MAP1LC3B2: variants seen among roughly 807,000 people sequenced by gnomAD.
MAP1LC3B2 encodes the protein microtubule-associated protein 1 light chain 3 beta 2.
For synonymous variants in MAP1LC3B2, 62 were observed against 57.8 expected (o/e 1.07, Z -0.33); for missense variants, 155 against 154.6 (o/e 1.00, Z -0.01).
intron 1 of MAP1LC3B2, among the ~76,000 whole-genome samples, chr12:116,566,483 G>T (rs1488172755): frequency 1.3e-5 from 2 of 152,082 alleles, no homozygotes; most frequent in Admixed American, 1.3e-4. Flanking sequence ...ATATGTGTGT[G>T]TGTGTGTAAC....
chr12:116,566,758 C>A (rs1417167716), intron 1 of MAP1LC3B2, among the ~76,000 whole-genome samples: 1 of 149,516 alleles, frequency 6.7e-6, no homozygotes, highest in Non-Finnish European at 1.5e-5. Flanking sequence ...ATGGTGAAAC[C>A]CTGTCTCTAC....
intron 1 of MAP1LC3B2, among the ~76,000 whole-genome samples, chr12:116,574,756 A>G (rs1031731830): frequency 2.6e-5 from 4 of 151,670 alleles, no homozygotes; most frequent in Admixed American, 6.6e-5. Context: ...GGGTTTTGCT[A>G]TGTTGGCCAG....
Position 116,576,137 on chromosome 12 carries a change from G to A in MAP1LC3B2, c.195G>A (p.Lys65=). Reference sequence around the variant, plus strand: ...ATGTCAACATGAGTGAGCTCATCAAGATAATTAGAAGGCGCTTACAGCTCA... The same window carrying A: ...ATGTCAACATGAGTGAGCTCATCAAAATAATTAGAAGGCGCTTACAGCTCA... ...PDHVNMSELI[K]IIRRRLQLNA... is the part of the protein sequence containing the mutation. Residue 65 remains lysine, a synonymous_variant, in exon 2 of 2, where the codon AAG becomes AAA. Transcript: ENST00000556529. 2 of 1,614,190 alleles carry A rather than the reference G, an allele frequency of 1.2e-6. No individual in the cohort carries two copies. Among genetic ancestry groups the A allele is most frequent in the Admixed American group, 1.7e-5 (1 of 60,014 alleles).
Position 116,575,908 on chromosome 12 carries a change from C to G in MAP1LC3B2, c.-35C>G. The stretch of plus-strand genomic sequence containing the variant: ...CACCCCCAGGAGCCGCCGGGACCCT[C>G]GCGTCGTCGCCGCCGCGGCCCAGAT... On this transcript the variant is annotated 5_prime_UTR_variant, in exon 2 of 2. Transcript: ENST00000556529. 1.9e-6 allele frequency: 3 copies of G among 1,613,292 alleles called. No homozygotes were observed. Among genetic ancestry groups the G allele is most frequent in the South Asian group, 1.1e-5 (1 of 91,036 alleles).
intron 1 of MAP1LC3B2, among the ~76,000 whole-genome samples, chr12:116,571,834 A>C (rs1487580538): frequency 6.6e-6 from 1 of 151,696 alleles, no homozygotes; most frequent in African/African-American, 2.4e-5. Flanking sequence ...TTTGTCCTAA[A>C]AAGACCTAGG....
chr12:116,563,216 C>T (rs1464284008), intron 1 of MAP1LC3B2, among the ~76,000 whole-genome samples: 1 of 152,172 alleles, frequency 6.6e-6, no homozygotes, highest in Non-Finnish European at 1.5e-5. Flanking sequence ...ACCTCGGCCT[C>T]CCAAAGTGCT....
intron 1 of MAP1LC3B2, among the ~76,000 whole-genome samples, chr12:116,567,231 T>TG (rs1869412487): frequency 6.6e-6 from 1 of 152,212 alleles, no homozygotes; most frequent in Admixed American, 6.5e-5. Context: ...TCCTATCCCA[T>TG]GGCTAACTCC....
intron 1 of MAP1LC3B2, among the ~76,000 whole-genome samples, chr12:116,571,719 G>T (rs1869540242): frequency 6.6e-6 from 1 of 151,694 alleles, no homozygotes; most frequent in Non-Finnish European, 1.5e-5. Context: ...CTAACCTCGT[G>T]ATCCGCCTGT....
intron 1 of MAP1LC3B2, among the ~76,000 whole-genome samples, chr12:116,564,027 A>C (rs1028600355): frequency 6.6e-5 from 10 of 152,134 alleles, no homozygotes; most frequent in African/African-American, 2.4e-4. Context: ...CTAAAGGTGC[A>C]TGCCACCACA....
intron 1 of MAP1LC3B2, among the ~76,000 whole-genome samples, chr12:116,564,688 T>C (rs950630721): frequency 2.0e-5 from 3 of 152,234 alleles, no homozygotes; most frequent in Non-Finnish European, 4.4e-5. Flanking sequence ...GTGACTCAAG[T>C]GGTCCCCTGT....
chr12:116,576,254 T>C lies in MAP1LC3B2; in HGVS notation c.312T>C (p.Asp104=). Residue 104 remains aspartate (D), a synonymous_variant, in exon 2 of 2, where the codon GAT becomes GAC. Transcript: ENST00000556529. ...CAGAGGTGTATGAGAGTGAGAAAGA[T>C]GAAGATGGATTCCTGTACATGGTCT... ...PISEVYESEK[D]EDGFLYMVCA... is the part of the protein sequence containing the mutation. The C allele has an allele frequency of 6.2e-7, 1 of 1,614,090 alleles. No individual in the cohort carries two copies. Among genetic ancestry groups the C allele is most frequent in the Non-Finnish European group, 8.5e-7 (1 of 1,180,010 alleles).
At position 116,576,052 on chromosome 12, in the gene MAP1LC3B2, G is replaced by T; in HGVS notation, c.110G>T (p.Arg37Leu). The change falls in exon 2 of 2, where the codon CGA becomes CTA. Residue 37 changes from arginine to leucine, a missense_variant. Coordinates refer to ENST00000556529, the MANE Select transcript of MAP1LC3B2 (RefSeq NM_001085481.3). ...ACCAAAATCCCGGTGATAATAGAAC[G>T]ATACAAGGGTGAGAAGCAGCTTCCT... The part of the protein sequence containing the change: ...HPTKIPVIIE[R>L]YKGEKQLPVL... The T allele has an allele frequency of 6.2e-7, 1 of 1,614,198 alleles. No homozygotes were observed. The highest frequency in any genetic ancestry group is 8.5e-7 in the Non-Finnish European group (1 of 1,180,036).
At chr12:116,571,054 C>G (rs921464523) in intron 1 of MAP1LC3B2, among the ~76,000 whole-genome samples, 1 of 152,160 alleles carries the variant, frequency 6.6e-6, no homozygotes, top group Non-Finnish European at 1.5e-5. Context: ...AGGTTCAATA[C>G]AAGAAAATCT....
intron 1 of MAP1LC3B2, among the ~76,000 whole-genome samples, chr12:116,561,279 T>TAA (rs547713419): frequency 1.0e-3 from 139 of 136,658 alleles, no homozygotes; most frequent in African/African-American, 3.6e-3. Context: ...TGTCTCAAAA[T>TAA]AAAAAAAAAA....
chr12:116,568,240 C>CA lies in MAP1LC3B2; in HGVS notation c.-101-7594dup, dbSNP rs902539366. Among the ~76,000 whole-genome samples, 18 of 151,970 alleles carry CA rather than the reference C, an allele frequency of 1.2e-4. No individual in the cohort carries two copies. The East Asian group carries it at 1.5e-3, about 13-fold the overall frequency. On this transcript the variant is annotated intron_variant, in intron 1 of 1. Coordinates refer to ENST00000556529, the MANE Select transcript of MAP1LC3B2 (RefSeq NM_001085481.3). ...TGCTGAGAGTAACAGGCCCTTTTCT[C>CA]AAAAAAAAGAATGCACAGACACGTA...
intron 1 of MAP1LC3B2, among the ~76,000 whole-genome samples, chr12:116,563,498 G>T (rs1297043118): frequency 6.6e-6 from 1 of 152,094 alleles, no homozygotes; most frequent in Non-Finnish European, 1.5e-5. Context: ...TTGGTTCTTT[G>T]TATGTAATAT....
chr12:116,570,714 C>G (rs528612282), intron 1 of MAP1LC3B2, among the ~76,000 whole-genome samples: 41 of 152,184 alleles, frequency 2.7e-4, no homozygotes, highest in Non-Finnish European at 4.7e-4. Context: ...CGTGGAACCT[C>G]TTTTCTTTAT....
At chr12:116,568,891 A>C (rs1329928424) in intron 1 of MAP1LC3B2, among the ~76,000 whole-genome samples, 1 of 56,706 alleles carries the variant, frequency 1.8e-5, no homozygotes. Context: ...TTGAGACAGA[A>C]TCTCTGTCTC....
chr12:116,572,876 T>G (rs1272435495), intron 1 of MAP1LC3B2, among the ~76,000 whole-genome samples: 2 of 152,186 alleles, frequency 1.3e-5, no homozygotes, highest in Non-Finnish European at 2.9e-5. Context: ...GAGAGGCCCT[T>G]GGCAGGCAGA....
Sources: gnomAD v4.1 joint callset for allele counts (sites outside exome capture counted in the v4.1 genomes callset) on GRCh38, gnomAD v4.1.1 for gene constraint, MANE v1.5 for transcripts, NCBI Gene and HGNC (gene_info 2026-07-23, HGNC 2026-07-21) for gene names.